The following CNTN5 variants were observed in gnomAD, a reference collection of about 807,000 sequenced individuals.
The protein encoded by CNTN5 is contactin 5.
In CNTN5, 77 loss-of-function variants were observed where a neutral mutation model predicts 129.1. The ratio of observed to expected loss-of-function variants is 0.60; its 90% CI spans 0.50 to 0.72. CNTN5 has a LOEUF of 0.72. CNTN5 is among the 30% of genes least tolerant of loss of function. The pLI is 0.00. For missense variants in CNTN5, 1,478 were observed against 1,328.8 expected (o/e 1.11, Z -1.75); for synonymous variants, 509 against 465.6 (o/e 1.09, Z -1.20).
chr11:99,822,402 A>G (rs1357277710), intron 4 of CNTN5, among the ~76,000 whole-genome samples: 1 of 152,210 alleles, frequency 6.6e-6, no homozygotes, highest in African/African-American at 2.4e-5. Flanking sequence ...TTAATGGAGA[A>G]CTAAAACTGT....
Position 99,432,464 on chromosome 11 carries a change from C to CTTTCCTTTTCTTTTCTTTT in CNTN5, c.-71+106980_-71+106981insTTTCCTTTTCTTTTCTTTT, listed in dbSNP as rs1555143589. On this transcript the variant is annotated intron_variant, in intron 2 of 24. Coordinates refer to ENST00000524871, the MANE Select transcript of CNTN5 (RefSeq NM_014361.4). ...CCTTTTCTTTTCTTTTCTTTTCTTTCCTTTTCTTTTCTTTTCTTTTCTTTT... is the reference window on the plus strand; with the variant it reads ...CCTTTTCTTTTCTTTTCTTTTCTTTCTTTCCTTTTCTTTTCTTTTCTTTTCTTTTCTTTTCTTTTCTTTT... Among the ~76,000 whole-genome samples, 49 of 116,416 alleles carry CTTTCCTTTTCTTTTCTTTT rather than the reference C, an allele frequency of 4.2e-4. No homozygotes were observed. The East Asian group carries it at 7.6e-3, about 18-fold the overall frequency. The allele number at this position is 116,416 out of a possible 152,430, so 76.4% of individuals were successfully genotyped here. A position where few individuals can be genotyped will look rare whatever the true frequency, so the allele number is the denominator to read the frequency against.
intron 2 of CNTN5, among the ~76,000 whole-genome samples, chr11:99,325,750 T>A (rs1865758704): frequency 6.6e-6 from 1 of 152,206 alleles, no homozygotes; most frequent in Admixed American, 6.5e-5. Context: ...TTTTTTAGTT[T>A]GATATGAGGA....
chr11:99,188,456 A>C (rs1259860395), intron 1 of CNTN5, among the ~76,000 whole-genome samples: 1 of 151,764 alleles, frequency 6.6e-6, no homozygotes, highest in Non-Finnish European at 1.5e-5. Context: ...ATGTTTTGCC[A>C]ATCTGATAGG....
intron 3 of CNTN5, among the ~76,000 whole-genome samples, chr11:99,584,550 C>A (rs1386418875): frequency 6.6e-6 from 1 of 152,194 alleles, no homozygotes; most frequent in Non-Finnish European, 1.5e-5. Flanking sequence ...GCACTAGCAA[C>A]TGTATTAAAT....
chr11:99,353,219 G>T (rs1389759079), intron 2 of CNTN5, among the ~76,000 whole-genome samples: 1 of 152,126 alleles, frequency 6.6e-6, no homozygotes, highest in African/African-American at 2.4e-5. Context: ...AGGCACAAAG[G>T]CATCTTACCT....
In CNTN5 at chr11:99,628,586, G is replaced by T. The variant is rs79658482; in HGVS notation, c.55+72317G>T. On this transcript the variant is annotated intron_variant, in intron 3 of 24. Transcript: ENST00000524871. ...TGTCTATCTACACACACTTCCATTG[G>T]CCAAGAAACAGAAAGCTAAATAATG... Among the ~76,000 whole-genome samples the T allele has an allele frequency of 7.0e-3, 1,033 of 147,424 alleles. 11 individuals are homozygous for T. Among genetic ancestry groups the T allele is most frequent in the African/African-American group, 0.024 (957 of 40,080 alleles).
At chr11:99,976,947 C>T (rs1000696463) in intron 8 of CNTN5, among the ~76,000 whole-genome samples, 1 of 152,182 alleles carries the variant, frequency 6.6e-6, no homozygotes, top group African/African-American at 2.4e-5. Context: ...TTATTTTCTG[C>T]TTTCCTTTTA....
chr11:99,172,852 A>T, intron 1 of CNTN5, among the ~76,000 whole-genome samples: 1 of 152,220 alleles, frequency 6.6e-6, no homozygotes, highest in East Asian at 1.9e-4. Context: ...TTTCCAAAAT[A>T]GTAACTTATT....
At chr11:100,054,839 G>A (rs1943130567) in intron 9 of CNTN5, among the ~76,000 whole-genome samples, 1 of 151,582 alleles carries the variant, frequency 6.6e-6, no homozygotes, top group Non-Finnish European at 1.5e-5. Context: ...GTTAGCATTG[G>A]TGAGGTAACA....
At chr11:99,847,108 A>G (rs1029494751) in intron 6 of CNTN5, among the ~76,000 whole-genome samples, 4 of 152,230 alleles carry the variant, frequency 2.6e-5, no homozygotes, top group African/African-American at 9.6e-5. Context: ...CTTATACCTT[A>G]CAGTTTGGTC....
At chr11:99,693,735 T>C (rs1954139015) in intron 3 of CNTN5, among the ~76,000 whole-genome samples, 1 of 152,106 alleles carries the variant, frequency 6.6e-6, no homozygotes, top group Admixed American at 6.6e-5. Context: ...GACGAGATTG[T>C]TTCTTTGATT....
intron 24 of CNTN5, among the ~76,000 whole-genome samples, 167 bp downstream of exon 24, chr11:100,351,037 CT>C (rs1952399743): frequency 6.6e-6 from 1 of 151,658 alleles, no homozygotes; most frequent in African/African-American, 2.4e-5. Flanking sequence ...TAGTAATCTG[CT>C]CACAATTGCA....
intron 2 of CNTN5, among the ~76,000 whole-genome samples, chr11:99,427,360 C>CA (rs1302886042): frequency 2.0e-5 from 3 of 152,090 alleles, no homozygotes; most frequent in Non-Finnish European, 2.9e-5. Context: ...GAAATAATTA[C>CA]AAAAACTGAT....
intron 4 of CNTN5, among the ~76,000 whole-genome samples, chr11:99,836,860 T>C (rs955320308): frequency 1.3e-5 from 2 of 152,182 alleles, no homozygotes; most frequent in African/African-American, 2.4e-5. Context: ...TGGTATCACA[T>C]TGTGGTTCAT....
intron 1 of CNTN5, among the ~76,000 whole-genome samples, chr11:99,079,803 C>T (rs1166424092): frequency 2.0e-5 from 3 of 152,202 alleles, no homozygotes; most frequent in Non-Finnish European, 4.4e-5. Context: ...TGGTGAACTC[C>T]AACTCATTGT....
chr11:99,414,017 T>A (rs1942522466), intron 2 of CNTN5, among the ~76,000 whole-genome samples: 3 of 152,238 alleles, frequency 2.0e-5, no homozygotes, highest in African/African-American at 7.2e-5. Flanking sequence ...AACTAGATAT[T>A]CTATTTGTTC....
rs189816798 is a variant in CNTN5 at position 100,059,310 on chromosome 11, A to C, written c.981-1902A>C. ...ACCAAATACTTCAGAAAATACGGAC[A>C]AACTTAGGTTTATAGATAATTTTCT... On this transcript the variant is annotated intron_variant, in intron 9 of 24. Coordinates refer to ENST00000524871, the MANE Select transcript of CNTN5 (RefSeq NM_014361.4). Among the ~76,000 whole-genome samples, 50 of 152,270 alleles carry C rather than the reference A, an allele frequency of 3.3e-4. 1 individual carries two copies. The highest frequency in any genetic ancestry group is 1.1e-3 in the African/African-American group (47 of 41,574).
intron 18 of CNTN5, among the ~76,000 whole-genome samples, chr11:100,282,940 C>A (rs909321727): frequency 3.9e-5 from 6 of 152,084 alleles, no homozygotes; most frequent in Non-Finnish European, 7.4e-5. Context: ...CTTAAGTTAG[C>A]TTTTGGCGAA....
intron 13 of CNTN5, among the ~76,000 whole-genome samples, chr11:100,097,972 T>A (rs1304962165): frequency 1.3e-5 from 2 of 151,834 alleles, no homozygotes; most frequent in African/African-American, 4.8e-5. Flanking sequence ...TCGGGGAGTT[T>A]TTTTTTAAGA....
Sources: allele counts gnomAD v4.1 joint callset (sites outside exome capture counted in the v4.1 genomes callset), GRCh38; gene constraint gnomAD v4.1.1; transcripts MANE v1.5; gene names NCBI Gene and HGNC (gene_info 2026-07-23, HGNC 2026-07-21).